The following ACOXL variants were observed in gnomAD, a reference collection of about 807,000 sequenced individuals.
ACOXL encodes acyl-CoA oxidase like.
Under a neutral mutation model 71.9 loss-of-function variants are expected in ACOXL, and 70 were observed. The ratio of observed to expected loss-of-function variants is 0.97; its 90% CI spans 0.80 to 1.19. The LOEUF is 1.19. Ranked by LOEUF, ACOXL falls within the 50% of genes most tolerant of loss-of-function variation. The pLI, the probability that ACOXL is intolerant of heterozygous loss-of-function variation, is 0.00. For synonymous variants in ACOXL, 253 were observed against 281.6 expected, an observed-to-expected ratio of 0.90 and a Z score of 1.02; for missense variants, 703 against 736.3, an observed-to-expected ratio of 0.95 and a Z score of 0.52.
chr2:110,764,855 A>G (rs777387253), intron 1 of ACOXL, among the ~76,000 whole-genome samples: 12 of 152,190 alleles, frequency 7.9e-5, no homozygotes, highest in Non-Finnish European at 1.6e-4. Flanking sequence ...CTAGTCTACT[A>G]TATTTTTACT....
At chr2:110,796,383 G>A (rs1685282734) in intron 5 of ACOXL, among the ~76,000 whole-genome samples, 1 of 152,148 alleles carries the variant, frequency 6.6e-6, no homozygotes, top group Non-Finnish European at 1.5e-5. Flanking sequence ...CATTTTGCTG[G>A]CCTTCAAACA....
intron 10 of ACOXL, among the ~76,000 whole-genome samples, chr2:110,869,073 C>T (rs899296888): frequency 1.3e-5 from 2 of 152,184 alleles, no homozygotes; most frequent in African/African-American, 2.4e-5. Flanking sequence ...TTACTTTTAT[C>T]GTCACAATTC....
intron 12 of ACOXL, among the ~76,000 whole-genome samples, chr2:110,971,224 A>C (rs76017193): frequency 1.3e-5 from 2 of 152,262 alleles, no homozygotes; most frequent in Non-Finnish European, 2.9e-5. Flanking sequence ...AAATAGGTAC[A>C]TCATTGTAGC....
intron 3 of ACOXL, among the ~76,000 whole-genome samples, chr2:110,788,442 A>T (rs895192698): frequency 6.6e-6 from 1 of 152,236 alleles, no homozygotes; most frequent in African/African-American, 2.4e-5. Flanking sequence ...ACAAATTCAT[A>T]AAGACAGAAG....
intron 9 of ACOXL, among the ~76,000 whole-genome samples, chr2:110,817,709 G>A (rs925609297): frequency 1.3e-5 from 2 of 152,186 alleles, no homozygotes; most frequent in African/African-American, 4.8e-5. Context: ...TCCAGAGTCA[G>A]CCTGATGAGT....
intron 12 of ACOXL, among the ~76,000 whole-genome samples, chr2:110,960,242 A>G (rs1558790519): frequency 6.6e-6 from 1 of 152,234 alleles, no homozygotes; most frequent in African/African-American, 2.4e-5. Flanking sequence ...AGGTTCAGGG[A>G]AACCTCACTG....
intron 1 of ACOXL, among the ~76,000 whole-genome samples, chr2:110,735,867 G>C (rs144608599): frequency 6.6e-6 from 1 of 152,282 alleles, no homozygotes; most frequent in East Asian, 1.9e-4. Flanking sequence ...TTGTTTATTG[G>C]TGAAGGGAAG....
At chr2:110,882,013 G>A (rs1259770918) in intron 10 of ACOXL, among the ~76,000 whole-genome samples, 1 of 152,102 alleles carries the variant, frequency 6.6e-6, no homozygotes, top group Non-Finnish European at 1.5e-5. Context: ...GTTAGATCAT[G>A]TAGTCGGTGT....
intron 2 of ACOXL, among the ~76,000 whole-genome samples, chr2:110,783,667 A>G (rs1004647139): frequency 6.6e-6 from 1 of 152,148 alleles, no homozygotes; most frequent in African/African-American, 2.4e-5. Context: ...ACACGCACAT[A>G]TAGACACACA....
In ACOXL at chr2:110,847,314, A is replaced by G. The variant is rs1334941197; in HGVS notation, c.788+5909A>G. The stretch of plus-strand genomic sequence containing the variant: ...CCTGGGCCAAGATAAAAGAGGAAAC[A>G]GGCTCAGAGGTGAGCATCACCCCTT... On this transcript the variant is annotated intron_variant, in intron 10 of 17. Coordinates refer to ENST00000439055, the MANE Select transcript of ACOXL (RefSeq NM_001142807.4). Among the ~76,000 whole-genome samples, 4 of 152,326 alleles carry G rather than the reference A, an allele frequency of 2.6e-5. No homozygotes were observed. In the East Asian group the frequency reaches 5.8e-4, roughly 22 times the overall value.
chr2:110,787,533 C>CAAAAAAAAAAAAAAAA (rs1175271772), intron 3 of ACOXL, among the ~76,000 whole-genome samples: 4 of 53,622 alleles, frequency 7.5e-5, no homozygotes, highest in African/African-American at 7.6e-5. Context: ...GACTCCGTCT[C>CAAAAAAAAAAAAAAAA]AAAAAAAAAA....
intron 12 of ACOXL, among the ~76,000 whole-genome samples, chr2:110,936,094 G>A (rs912852486): frequency 2.0e-5 from 3 of 152,138 alleles, no homozygotes; most frequent in Admixed American, 2.0e-4. Flanking sequence ...AATAGGCCAT[G>A]GTCTGGTACT....
At chr2:110,995,869 A>G in intron 13 of ACOXL, 24 bp from the exon 14 acceptor site, 1 of 1,576,472 alleles carries the variant, frequency 6.3e-7, no homozygotes, top group African/African-American at 1.4e-5. Flanking sequence ...AATAATAATG[A>G]TGGTCACCGT....
chr2:110,839,597 C>CTT (rs765653465), intron 9 of ACOXL, among the ~76,000 whole-genome samples: 41 of 152,190 alleles, frequency 2.7e-4, no homozygotes, highest in Non-Finnish European at 5.4e-4. Flanking sequence ...ACGTAAGTCT[C>CTT]TGATTGCTGA....
rs192012250 is a variant in ACOXL, at chr2:110,800,522, T to G, written c.548-1130T>G. 4.6e-5 allele frequency among the ~76,000 whole-genome samples: 7 copies of G among 152,248 alleles called. No homozygotes were observed. In the East Asian group the frequency reaches 9.6e-4, roughly 21 times the overall value. The stretch of plus-strand genomic sequence containing the variant: ...GCTTTGATACATGAATTTTTTTTTT[T>G]TTTGTGGGGAGGACACAATTTAACC... On this transcript the variant is annotated intron_variant, in intron 7 of 17. Transcript: ENST00000439055.
At chr2:110,875,114 C>G (rs1173903769) in intron 10 of ACOXL, among the ~76,000 whole-genome samples, 1 of 152,208 alleles carries the variant, frequency 6.6e-6, no homozygotes, top group African/African-American at 2.4e-5. Flanking sequence ...GCACGCAGGC[C>G]AATGACGCAG....
chr2:110,853,052 C>A (rs981602454), intron 10 of ACOXL, among the ~76,000 whole-genome samples: 2 of 152,206 alleles, frequency 1.3e-5, no homozygotes, highest in African/African-American at 2.4e-5. Flanking sequence ...TCTTTGTCTG[C>A]ATCCCCTCCA....
chr2:110,991,014 T>C (rs1007297014), intron 13 of ACOXL, among the ~76,000 whole-genome samples: 4 of 152,044 alleles, frequency 2.6e-5, no homozygotes, highest in Non-Finnish European at 4.4e-5. Context: ...TTGGGGGGAG[T>C]GGTTTCTTAT....
intron 15 of ACOXL, among the ~76,000 whole-genome samples, chr2:111,040,451 T>C (rs2065728124): frequency 6.6e-6 from 1 of 152,140 alleles, no homozygotes; most frequent in Non-Finnish European, 1.5e-5. Context: ...CATTCCCTTA[T>C]CCACCCTTCT....
Sources: gnomAD v4.1 joint callset for allele counts (sites outside exome capture counted in the v4.1 genomes callset) on GRCh38, gnomAD v4.1.1 for gene constraint, MANE v1.5 for transcripts, NCBI Gene and HGNC (gene_info 2026-07-23, HGNC 2026-07-21) for gene names.